The following OTUD4 variants were observed in gnomAD, a reference collection of about 807,000 sequenced individuals.
OTUD4 encodes OTU domain-containing protein 4.
In OTUD4, 24 loss-of-function variants were observed where a neutral mutation model predicts 130.4. The ratio of observed to expected loss-of-function variants is 0.18; its 90% CI spans 0.13 to 0.26. The LOEUF is 0.26. OTUD4 is among the 10% of genes least tolerant of loss of function. The pLI, the probability that OTUD4 is intolerant of heterozygous loss-of-function variation, is 1.00. For missense variants in OTUD4, 1,031 were observed against 1,329.4 expected (o/e 0.78, Z 3.49); for synonymous variants, 420 against 472.5 (o/e 0.89, Z 1.44).
At chr4:145,167,872 A>T (rs1244905662) in intron 3 of OTUD4, among the ~76,000 whole-genome samples, 2 of 152,152 alleles carry the variant, frequency 1.3e-5, no homozygotes, top group African/African-American at 4.8e-5. Context: ...AAAAAATTAA[A>T]AATGAAAAAT....
At chr4:145,149,057 C>A (rs1199219574) in intron 13 of OTUD4, among the ~76,000 whole-genome samples, 5 of 152,166 alleles carry the variant, frequency 3.3e-5, no homozygotes, top group Admixed American at 3.3e-4. Context: ...ATCTCTAGTA[C>A]CTGTGCACAT....
chr4:145,161,282 G>T (rs141883782), intron 6 of OTUD4, among the ~76,000 whole-genome samples: 7 of 152,274 alleles, frequency 4.6e-5, no homozygotes, highest in Non-Finnish European at 5.9e-5. Context: ...GGAAAGACAA[G>T]CTCTAGGAGC....
chr4:145,165,028 C>A (rs1751779259), intron 4 of OTUD4, 123 bp downstream of exon 4: 1 of 496,284 alleles, frequency 2.0e-6, no homozygotes, highest in East Asian at 3.2e-5. Context: ...TTAAAAAAAA[C>A]TTAGAAAAGA....
chr4:145,174,557 A>G, intron 2 of OTUD4, 104 bp downstream of exon 2: 1 of 672,638 alleles, frequency 1.5e-6, no homozygotes, highest in Non-Finnish European at 2.7e-6. Flanking sequence ...TATTTTCATA[A>G]CCCGCATTAA....
chr4:145,154,043 C>A (rs1488517958), intron 10 of OTUD4, among the ~76,000 whole-genome samples: 3 of 152,194 alleles, frequency 2.0e-5, no homozygotes, highest in African/African-American at 4.8e-5. Flanking sequence ...TCTACTTTAT[C>A]AAAAGCACCT....
chr4:145,149,301 G>A (rs569242583), intron 13 of OTUD4, among the ~76,000 whole-genome samples: 2 of 152,240 alleles, frequency 1.3e-5, no homozygotes, highest in Non-Finnish European at 2.9e-5. Flanking sequence ...AGCATGGAAC[G>A]GATTCTCCCC....
At chr4:145,179,794 T>G in intron 1 of OTUD4, 21 bp downstream of exon 1, 14 of 198,344 alleles carry the variant, frequency 7.1e-5, no homozygotes, top group East Asian at 2.1e-4. Context: ...CTCGAAGCCC[T>G]CCCCGCCCCC....
At chr4:145,172,483 T>C (rs974151212) in intron 2 of OTUD4, among the ~76,000 whole-genome samples, 6 of 152,200 alleles carry the variant, frequency 3.9e-5, no homozygotes, top group South Asian at 4.1e-4. Flanking sequence ...ATAAAAACAG[T>C]TTATTCAAGC....
At chr4:145,152,031 CAACAA>C (rs1334366995) in intron 11 of OTUD4, among the ~76,000 whole-genome samples, 1 of 152,210 alleles carries the variant, frequency 6.6e-6, no homozygotes, top group Non-Finnish European at 1.5e-5. Flanking sequence ...AAACAGTAAG[CAACAA>C]AACAAATAAT....
In OTUD4 at chr4:145,146,276, T is replaced by C; in HGVS notation, c.1413A>G (p.Pro471=). Residue 471 remains proline, a synonymous_variant, in exon 14 of 21, where the codon CCA becomes CCG. Transcript: ENST00000447906. The part of the protein sequence containing the change: ...EIQNRDEQAF[P]ALSSSSVNQS... ...GTCTTTTCATACATACGGAAAGGGCTGGGAAAGCCTGTTCATCTCTGTTCT... is the reference window on the plus strand; with the variant it reads ...GTCTTTTCATACATACGGAAAGGGCCGGGAAAGCCTGTTCATCTCTGTTCT... 2.6e-6 allele frequency: 4 copies of C among 1,543,188 alleles called. No homozygotes were observed. Among genetic ancestry groups the C allele is most frequent in the Non-Finnish European group, 3.5e-6 (4 of 1,151,120 alleles).
chr4:145,179,953 G>A lies in OTUD4; in HGVS notation c.21C>T (p.Val7=), dbSNP rs772504135. Reference sequence around the variant, plus strand: ...CGCCGCCCTGGTCCCCGCCGTCGGGGACGCCGACGGCAGCCTCCATGTTGC... The same window carrying A: ...CGCCGCCCTGGTCCCCGCCGTCGGGAACGCCGACGGCAGCCTCCATGTTGC... The part of the protein sequence containing the change: MEAAVG[V]PDGGDQGGAG... The change falls in exon 1 of 21, where the codon GTC becomes GTT. Residue 7 remains valine, a synonymous_variant. Transcript: ENST00000447906. 5.5e-5 allele frequency: 84 copies of A among 1,520,636 alleles called. No individual in the cohort carries two copies. The highest frequency in any genetic ancestry group is 4.3e-4 in the East Asian group (17 of 39,188). The allele number at this position is 1,520,636 out of a possible 1,614,324, so 94.2% of individuals were successfully genotyped here. A position where few individuals can be genotyped will look rare whatever the true frequency, so the allele number is the denominator to read the frequency against.
At chr4:145,179,614 G>A (rs894068909) in intron 1 of OTUD4, 1 of 1,383,952 alleles carries the variant, frequency 7.2e-7, no homozygotes, top group East Asian at 3.0e-5. Flanking sequence ...GTTAATTTGC[G>A]GGCTTTCGAG....
At chr4:145,171,225 C>G (rs1346300203) in intron 3 of OTUD4, 1 of 154,874 alleles carries the variant, frequency 6.5e-6, no homozygotes, top group African/African-American at 2.4e-5. Flanking sequence ...CCCAGATACT[C>G]GGGAGACAAA....
intron 14 of OTUD4, among the ~76,000 whole-genome samples, chr4:145,144,649 A>G (rs2305552): frequency 6.6e-6 from 1 of 152,178 alleles, no homozygotes; most frequent in Non-Finnish European, 1.5e-5. Context: ...AGGATTAAGC[A>G]ATCAGATTTC....
At position 145,174,663 on chromosome 4, in the gene OTUD4, C is replaced by T; in HGVS notation, c.241G>A (p.Ala81Thr). 1 of 1,575,984 alleles carries T rather than the reference C, an allele frequency of 6.3e-7. No individual in the cohort carries two copies. Among genetic ancestry groups the T allele is most frequent in the African/African-American group, 1.3e-5 (1 of 74,286 alleles). Reference protein sequence around the residue: ...YLRENREKFEAFIEGSFEEYL... With the variant: ...YLRENREKFETFIEGSFEEYL... ...ACATGTTTGAAATTACAAGTTACCG[C>T]TTCAAATTTCTCTCTGTTCTCTCGA... Residue 81 changes from alanine (A) to threonine (T), a missense_variant and splice_region_variant, in exon 2 of 21, where the codon GCG becomes ACG. Ala to Thr is a moderately conservative substitution (Grantham distance 58). Transcript: ENST00000447906.
At chr4:145,144,544 C>T in intron 14 of OTUD4, 110 bp from the exon 15 acceptor site, 2 of 1,056,394 alleles carry the variant, frequency 1.9e-6, no homozygotes, top group Non-Finnish European at 2.8e-6. Flanking sequence ...TTAAAATTCA[C>T]AGCCCTGTAT....
chr4:145,146,186 T>G, intron 14 of OTUD4, 81 bp downstream of exon 14: 1 of 868,794 alleles, frequency 1.2e-6, no homozygotes, highest in Non-Finnish European at 1.7e-6. Flanking sequence ...TAGTTTACCC[T>G]TGGGAACTAT....
chr4:145,179,606 T>G (rs1328648928), intron 1 of OTUD4: 2 of 1,384,052 alleles, frequency 1.4e-6, no homozygotes, highest in African/African-American at 1.5e-5. Context: ...GACACCCCGT[T>G]AATTTGCGGG....
chr4:145,164,204 C>G lies in OTUD4; in HGVS notation c.364G>C (p.Glu122Gln). The G allele has an allele frequency of 7.1e-7, 1 of 1,399,106 alleles. No individual in the cohort carries two copies. Among genetic ancestry groups the G allele is most frequent in the Non-Finnish European group, 9.9e-7 (1 of 1,008,182 alleles). The allele number at this position is 1,399,106 out of a possible 1,614,324, so 86.7% of individuals were successfully genotyped here. ...MYRKDFIIYR[E>Q]PNVSPSQVTE... ...ACTTGTGAAGGAGAAACATTTGGTT[C>G]CCGATAAATTATAAAATCTTTCCTG... The change falls in exon 5 of 21, where the codon GAA becomes CAA. Residue 122 changes from glutamate (E) to glutamine (Q), a missense_variant. Transcript: ENST00000447906.
Sources: gnomAD v4.1 joint callset for allele counts (sites outside exome capture counted in the v4.1 genomes callset) on GRCh38, gnomAD v4.1.1 for gene constraint, MANE v1.5 for transcripts, NCBI Gene and HGNC (gene_info 2026-07-23, HGNC 2026-07-21) for gene names.